Variants in CFAP20 observed in about 807,000 individuals in gnomAD.
CFAP20 encodes the protein cilia- and flagella-associated protein 20.
CFAP20 carries 14 observed loss-of-function variants against 25.5 expected under a neutral mutation model. That is an observed-to-expected ratio of 0.55 (90% confidence interval 0.36 to 0.86). CFAP20 has a LOEUF of 0.86. CFAP20 is among the 40% of genes least tolerant of loss of function. CFAP20 has a pLI of 0.01. For synonymous variants in CFAP20, 75 were observed against 91.1 expected, an observed-to-expected ratio of 0.82 and a Z score of 1.01; for missense variants, 181 against 248.0, an observed-to-expected ratio of 0.73 and a Z score of 1.81.
At chr16:58,114,957 G>T in intron 4 of CFAP20, 37 bp from the exon 5 acceptor site, 1 of 1,533,900 alleles carries the variant, frequency 6.5e-7, no homozygotes, top group Non-Finnish European at 9.0e-7. Context: ...GGCGAAATGT[G>T]ACTGTTCTCC....
chr16:58,114,444 T>G (rs1960428364), intron 5 of CFAP20, among the ~76,000 whole-genome samples: 1 of 151,538 alleles, frequency 6.6e-6, no homozygotes, highest in Non-Finnish European at 1.5e-5. Flanking sequence ...AAGAATCCCT[T>G]GAACCTGGAA....
intron 1 of CFAP20, among the ~76,000 whole-genome samples, chr16:58,118,864 G>GGCT (rs1960493963): frequency 6.6e-6 from 1 of 152,046 alleles, no homozygotes; most frequent in South Asian, 2.1e-4. Flanking sequence ...GGACTATTAG[G>GGCT]GCTGAATGGA....
chr16:58,115,363 C>T lies in CFAP20; in HGVS notation c.371G>A (p.Arg124Gln), dbSNP rs1266823759. ...AATCTGGTTCCAGCCGTCATCCAGC[C>T]GCATGGGCATGGTGCAGATGAAGGG... ...VKPFICTMPM[R>Q]LDDGWNQIQF... The change falls in exon 4 of 6, where the codon CGG becomes CAG. Residue 124 changes from arginine (R) to glutamine (Q), a missense_variant. Physicochemically the swap from Arg to Gln is conservative, Grantham distance 43 (BLOSUM62 1). Coordinates refer to ENST00000262498, the MANE Select transcript of CFAP20 (RefSeq NM_013242.3). 1 of 1,614,228 alleles carries T rather than the reference C, an allele frequency of 6.2e-7. No homozygotes were observed. Among genetic ancestry groups the T allele is most frequent in the Non-Finnish European group, 8.5e-7 (1 of 1,180,044 alleles).
intron 1 of CFAP20, 150 bp from the exon 2 acceptor site, chr16:58,117,101 T>C: frequency 1.6e-6 from 1 of 638,530 alleles, no homozygotes; most frequent in Non-Finnish European, 2.7e-6. Context: ...AGCTATTACC[T>C]CTAGACAGGG....
chr16:58,115,953 T>C, intron 3 of CFAP20, 88 bp downstream of exon 3: 2 of 901,156 alleles, frequency 2.2e-6, no homozygotes. Context: ...AGGATAAAGA[T>C]ACTTTGTAGG....
Position 58,115,310 on chromosome 16 carries a change from G to A in CFAP20, c.424C>T (p.Arg142Ter), listed in dbSNP as rs780112642. ...IQFNLLDFTR[R>*]AYGTNYIETL... is the part of the protein sequence containing the mutation. The stretch of plus-strand genomic sequence containing the variant: ...TCGATGTAATTGGTGCCGTATGCTC[G>A]CCGTGTGAAGTCTAGCAAGTTGAAC... Residue 142 changes from arginine (R) to a stop codon, truncating the protein, a stop_gained, in exon 4 of 6, where the codon CGA becomes TGA. Transcript: ENST00000262498. LOFTEE classifies it high-confidence loss of function. 2.4e-5 allele frequency: 39 copies of A among 1,614,074 alleles called. No homozygotes were observed. The highest frequency in any genetic ancestry group is 1.4e-4 in the South Asian group (13 of 91,088).
At chr16:58,128,832 GCC>G (rs35532705) in intron 1 of CFAP20, among the ~76,000 whole-genome samples, 198 bp downstream of exon 1, 1 of 74,298 alleles carries the variant, frequency 1.3e-5, no homozygotes, top group Non-Finnish European at 2.6e-5. Context: ...CACATGCACC[GCC>G]CCCCCCCCAC....
chr16:58,115,470 G>A lies in CFAP20; in HGVS notation c.277-13C>T, dbSNP rs1960445554. On this transcript the variant is annotated splice_polypyrimidine_tract_variant and intron_variant, in intron 3 of 5. Coordinates refer to ENST00000262498, the MANE Select transcript of CFAP20 (RefSeq NM_013242.3). ...TGTCATCTAGTACCTGTGAAATACA[G>A]AGAAGAAGCATCACACTAGCTCTGT... The A allele has an allele frequency of 1.2e-6, 2 of 1,613,462 alleles. No individual in the cohort carries two copies. Among genetic ancestry groups the A allele is most frequent in the Non-Finnish European group, 1.7e-6 (2 of 1,179,618 alleles).
At chr16:58,124,231 T>C (rs1484896797) in intron 1 of CFAP20, among the ~76,000 whole-genome samples, 1 of 152,242 alleles carries the variant, frequency 6.6e-6, no homozygotes, top group African/African-American at 2.4e-5. Context: ...AACTAAATTC[T>C]TCTCATTTCA....
intron 1 of CFAP20, among the ~76,000 whole-genome samples, chr16:58,125,100 C>T (rs185474339): frequency 3.6e-4 from 55 of 152,192 alleles, no homozygotes; most frequent in Admixed American, 3.6e-3. Flanking sequence ...ATCTTTATTC[C>T]ATAAGGTTTT....
At chr16:58,124,604 G>T (rs1216434213) in intron 1 of CFAP20, among the ~76,000 whole-genome samples, 1 of 152,154 alleles carries the variant, frequency 6.6e-6, no homozygotes, top group African/African-American at 2.4e-5. Flanking sequence ...GTACGTATTT[G>T]TGTGTCTAAA....
chr16:58,128,499 A>G (rs112501441), intron 1 of CFAP20, among the ~76,000 whole-genome samples: 5,708 of 152,252 alleles, frequency 0.037, 155 homozygotes, highest in South Asian at 0.16. Flanking sequence ...GCTTGGCCGG[A>G]GTCTTTCTGT....
intron 1 of CFAP20, among the ~76,000 whole-genome samples, chr16:58,125,159 C>T (rs1319441138): frequency 6.6e-6 from 1 of 152,040 alleles, no homozygotes; most frequent in African/African-American, 2.4e-5. Flanking sequence ...AAAACTAAGA[C>T]ACAAACACAC....
chr16:58,116,245 G>A, intron 2 of CFAP20, 93 bp from the exon 3 acceptor site: 2 of 874,682 alleles, frequency 2.3e-6, no homozygotes, highest in Non-Finnish European at 3.5e-6. Flanking sequence ...AGGATACACT[G>A]GAAAGCAGAT....
intron 4 of CFAP20, 137 bp downstream of exon 4, chr16:58,115,132 T>C: frequency 7.8e-7 from 1 of 1,281,510 alleles, no homozygotes; most frequent in Admixed American, 1.8e-5. Context: ...TGGACCTTTG[T>C]GAGGCCAAAG....
intron 1 of CFAP20, among the ~76,000 whole-genome samples, chr16:58,127,065 T>TA (rs1960624415): frequency 6.6e-6 from 1 of 152,242 alleles, no homozygotes; most frequent in African/African-American, 2.4e-5. Flanking sequence ...TTACTCCAAG[T>TA]AACCATGCCA....
intron 1 of CFAP20, among the ~76,000 whole-genome samples, chr16:58,123,042 T>C (rs77586543): frequency 0.012 from 1,894 of 152,114 alleles, 48 homozygotes; most frequent in African/African-American, 0.043. Context: ...TTGCCCAGGC[T>C]GGAGTGCAAT....
At chr16:58,118,825 A>T (rs1420336687) in intron 1 of CFAP20, among the ~76,000 whole-genome samples, 1 of 152,220 alleles carries the variant, frequency 6.6e-6, no homozygotes, top group Admixed American at 6.5e-5. Context: ...CTGTCTCAAA[A>T]ATGAACAAAC....
chr16:58,126,751 G>A (rs1293697822), intron 1 of CFAP20, among the ~76,000 whole-genome samples: 1 of 152,098 alleles, frequency 6.6e-6, no homozygotes, highest in Non-Finnish European at 1.5e-5. Flanking sequence ...CTAAGCTGTC[G>A]CTCAATAAAT....
Sources: allele counts gnomAD v4.1 joint callset (sites outside exome capture counted in the v4.1 genomes callset), GRCh38; gene constraint gnomAD v4.1.1; transcripts MANE v1.5; gene names NCBI Gene and HGNC (gene_info 2026-07-23, HGNC 2026-07-21).